The following WIPI1 variants were observed in gnomAD, a reference collection of about 807,000 sequenced individuals.
WIPI1 encodes WD repeat domain phosphoinositide-interacting protein 1.
WIPI1 carries 45 observed loss-of-function variants against 55.3 expected under a neutral mutation model. The observed-to-expected ratio is 0.81, with a 90% CI of 0.64 to 1.04. WIPI1 has a LOEUF of 1.04. Ranked by LOEUF, WIPI1 falls within the 50% of genes least tolerant of loss-of-function variation. The probability of loss-of-function intolerance (pLI) is 0.00; values close to 1 mark genes in which losing one functional copy is unlikely to be tolerated. For synonymous variants in WIPI1, 195 were observed against 217.6 expected, an observed-to-expected ratio of 0.90 and a Z score of 0.92; for missense variants, 445 against 559.0, an observed-to-expected ratio of 0.80 and a Z score of 2.06.
intron 2 of WIPI1, among the ~76,000 whole-genome samples, chr17:68,451,308 C>T (rs888792540): frequency 6.6e-6 from 1 of 152,164 alleles, no homozygotes; most frequent in Non-Finnish European, 1.5e-5. Context: ...GTGGTGCACA[C>T]CTGTAATCTC....
intron 4 of WIPI1, among the ~76,000 whole-genome samples, chr17:68,440,072 A>G (rs915513710): frequency 2.0e-5 from 3 of 152,226 alleles, no homozygotes; most frequent in Non-Finnish European, 4.4e-5. Context: ...TTGACACTAG[A>G]TGCTAACAAG....
Position 68,421,753 on chromosome 17 carries a change from T to C in WIPI1, c.*20A>G, listed in dbSNP as rs1361187806. On this transcript the variant is annotated 3_prime_UTR_variant, in exon 13 of 13. Transcript: ENST00000262139. ...CCACCTGATAGGGGGGATGTCCTGA[T>C]TTCTGAGGTGTGCTTCTCATCATGA... The C allele has an allele frequency of 3.1e-6, 5 of 1,614,220 alleles. No individual in the cohort carries two copies. The South Asian group carries it at 5.5e-5, about 18-fold the overall frequency.
intron 8 of WIPI1, among the ~76,000 whole-genome samples, chr17:68,432,999 C>T (rs897933600): frequency 1.3e-5 from 2 of 152,178 alleles, no homozygotes; most frequent in African/African-American, 4.8e-5. Context: ...GCTTCTTAAG[C>T]CCTGAGAAAT....
chr17:68,455,570 T>C (rs1482049824), intron 1 of WIPI1, among the ~76,000 whole-genome samples: 1 of 152,160 alleles, frequency 6.6e-6, no homozygotes, highest in Non-Finnish European at 1.5e-5. Flanking sequence ...AAATCCAATG[T>C]CATACCCTCT....
rs764369060 is a variant in WIPI1 at position 68,453,006 on chromosome 17, T to C, written c.81-14A>G. 3 of 1,603,296 alleles carry C rather than the reference T, an allele frequency of 1.9e-6. No homozygotes were observed. The highest frequency in any genetic ancestry group is 2.6e-6 in the Non-Finnish European group (3 of 1,170,344). On this transcript the variant is annotated splice_polypyrimidine_tract_variant and intron_variant, in intron 1 of 12. Transcript: ENST00000262139. ...GTTGCTAGGGATCTGTGGAGGATAA[T>C]GACAGCATGGGAATAACGACAGGTA... is the stretch of plus-strand genomic sequence containing the variant.
chr17:68,422,111 A>G, intron 12 of WIPI1: 1 of 374,770 alleles, frequency 2.7e-6, no homozygotes, highest in South Asian at 3.3e-5. Context: ...ACTTGTAAAC[A>G]TGGACTGCTC....
chr17:68,435,507 G>T (rs2083739838), intron 6 of WIPI1, 113 bp downstream of exon 6: 18 of 1,006,942 alleles, frequency 1.8e-5, no homozygotes. Context: ...ATTCTGAGTG[G>T]GCCCAGAGAC....
intron 3 of WIPI1, among the ~76,000 whole-genome samples, chr17:68,446,954 C>T (rs990477573): frequency 1.3e-5 from 2 of 152,156 alleles, no homozygotes; most frequent in African/African-American, 4.8e-5. Flanking sequence ...ACTCTTAGTT[C>T]GTGTGAGAGC....
Position 68,421,674 on chromosome 17 carries a change from T to C in WIPI1, c.*99A>G, listed in dbSNP as rs761028988. On this transcript the variant is annotated 3_prime_UTR_variant, in exon 13 of 13. Coordinates refer to ENST00000262139, the MANE Select transcript of WIPI1 (RefSeq NM_017983.7). ...GGAGCACCCGGGATTCCTGCCCCCC[T>C]TTCTGCTCACACAATTGCACTCCAT... 5.8e-6 allele frequency: 9 copies of C among 1,555,566 alleles called. No homozygotes were observed. Among genetic ancestry groups the C allele is most frequent in the Non-Finnish European group, 8.0e-6 (9 of 1,128,482 alleles).
chr17:68,434,496 C>T, intron 7 of WIPI1, 60 bp downstream of exon 7: 1 of 1,582,864 alleles, frequency 6.3e-7, no homozygotes, highest in South Asian at 1.1e-5. Flanking sequence ...AGACAGCTGC[C>T]AGCGGTCCCT....
intron 3 of WIPI1, among the ~76,000 whole-genome samples, chr17:68,449,389 C>T (rs948534275): frequency 3.9e-5 from 6 of 152,144 alleles, no homozygotes; most frequent in Admixed American, 6.5e-5. Flanking sequence ...CAGCACTCTG[C>T]GAGGCCAAGG....
intron 8 of WIPI1, among the ~76,000 whole-genome samples, chr17:68,432,880 C>T (rs531058914): frequency 6.6e-6 from 1 of 152,200 alleles, no homozygotes; most frequent in African/African-American, 2.4e-5. Context: ...TTTCCAACCC[C>T]CATTCTGCAC....
Position 68,427,273 on chromosome 17 carries a change from G to A in WIPI1, c.1074-20C>T, listed in dbSNP as rs745712738. On this transcript the variant is annotated intron_variant, in intron 10 of 12. Coordinates refer to ENST00000262139, the MANE Select transcript of WIPI1 (RefSeq NM_017983.7). The stretch of plus-strand genomic sequence containing the variant: ...AGCAAGCTACTTGTGACAATCAAGA[G>A]GAGGTGAAAGAAAAAAGAAATCATC... The A allele has an allele frequency of 1.3e-6, 2 of 1,585,812 alleles. No individual in the cohort carries two copies. The highest frequency in any genetic ancestry group is 1.1e-5 in the South Asian group (1 of 90,304).
At chr17:68,422,098 C>T (rs919840598) in intron 12 of WIPI1, 1 of 405,762 alleles carries the variant, frequency 2.5e-6, no homozygotes, top group Admixed American at 3.6e-5. Context: ...AAAGGCTCAT[C>T]TTACTTGTAA....
At chr17:68,437,112 C>G (rs2083847817) in intron 4 of WIPI1, among the ~76,000 whole-genome samples, 1 of 152,022 alleles carries the variant, frequency 6.6e-6, no homozygotes, top group Admixed American at 6.5e-5. Flanking sequence ...CCATTATCCT[C>G]TAGGGTTACA....
At chr17:68,432,883 T>A (rs1225051108) in intron 8 of WIPI1, among the ~76,000 whole-genome samples, 1 of 152,198 alleles carries the variant, frequency 6.6e-6, no homozygotes, top group Admixed American at 6.5e-5. Flanking sequence ...CCAACCCCCA[T>A]TCTGCACAGG....
chr17:68,430,643 C>A (rs1359682371), intron 8 of WIPI1, among the ~76,000 whole-genome samples: 4 of 152,178 alleles, frequency 2.6e-5, no homozygotes, highest in Non-Finnish European at 5.9e-5. Flanking sequence ...TTGTAGATAA[C>A]CCTGGAGTCA....
In WIPI1 at chr17:68,434,548, A is replaced by C. The variant is rs763255558; in HGVS notation, c.692+8T>G. ...GACTTTAAAATGGGTTTGACATTGA[A>C]CACAGACCTTTTCATCCCTCTCCGG... On this transcript the variant is annotated splice_region_variant and intron_variant, in intron 7 of 12. Coordinates refer to ENST00000262139, the MANE Select transcript of WIPI1 (RefSeq NM_017983.7). 6.2e-7 allele frequency: 1 copy of C among 1,613,854 alleles called. No homozygotes were observed. The highest frequency in any genetic ancestry group is 2.2e-5 in the East Asian group (1 of 44,864).
chr17:68,443,857 T>A (rs1298843558), intron 4 of WIPI1, among the ~76,000 whole-genome samples: 5 of 152,234 alleles, frequency 3.3e-5, no homozygotes, highest in Non-Finnish European at 7.3e-5. Context: ...CACCACACAA[T>A]GAAGGAATTC....
Sources: allele counts gnomAD v4.1 joint callset (sites outside exome capture counted in the v4.1 genomes callset), GRCh38; gene constraint gnomAD v4.1.1; transcripts MANE v1.5; gene names NCBI Gene and HGNC (gene_info 2026-07-23, HGNC 2026-07-21).